The following ARX variants were observed in gnomAD, a reference collection of about 807,000 sequenced individuals.
The protein encoded by ARX is homeobox protein ARX.
In ARX, 1 loss-of-function variant was observed where a neutral mutation model predicts 23.1. The ratio of observed to expected loss-of-function variants is 0.04; its 90% CI spans 0.02 to 0.21. The LOEUF (loss-of-function observed/expected upper bound fraction) is 0.21. Ranked by LOEUF, ARX falls within the 10% of genes least tolerant of loss-of-function variation. ARX has a pLI of 1.00. For missense variants in ARX, 380 were observed against 527.5 expected, an observed-to-expected ratio of 0.72 and a Z score of 2.74; for synonymous variants, 301 against 270.1, an observed-to-expected ratio of 1.11 and a Z score of -1.12.
chrX:25,014,236 C>T (rs2048716238), intron 1 of ARX, among the ~76,000 whole-genome samples: 1 of 110,681 alleles, frequency 9.0e-6, no homozygotes, highest in African/African-American at 3.3e-5. Context: ...CCCCTCTCTC[C>T]TTCTTTCTTC....
chrX:25,007,191 G>T lies in ARX; in HGVS notation c.1368C>A (p.Ser456Arg), dbSNP rs1384595861. Residue 456 changes from serine to arginine, a missense_variant, in exon 4 of 5, where the codon AGC (serine) becomes AGA (arginine). Around this residue, in one of 3 missense-constraint regions of ARX, gnomAD observed 121 missense variants for 169.7 expected, o/e 0.71. Transcript: ENST00000379044. Reference sequence around the variant, plus strand: ...AAGTGCTCAGGCCCAGCGGCGCCCCGCTGGGCGGCAGGCTGGCCGAGCCCG... The same window carrying T: ...AAGTGCTCAGGCCCAGCGGCGCCCCTCTGGGCGGCAGGCTGGCCGAGCCCG... ...PPPGSASLPP[S>R]GAPLGLSTFL... The T allele has an allele frequency of 8.4e-7, 1 of 1,185,793 alleles. No individual in the cohort carries two copies. Among genetic ancestry groups the T allele is most frequent in the Non-Finnish European group, 1.1e-6 (1 of 883,722 alleles).
At chrX:25,014,711 T>C (rs935842923) in intron 1 of ARX, among the ~76,000 whole-genome samples, 21 of 112,529 alleles carry the variant, frequency 1.9e-4, no homozygotes, top group Admixed American at 4.7e-4. Context: ...TTTATTTAAA[T>C]GCCCCCTTCT....
intron 3 of ARX, among the ~76,000 whole-genome samples, chrX:25,008,763 A>C (rs1359411326): frequency 8.9e-6 from 1 of 112,585 alleles, no homozygotes; most frequent in Non-Finnish European, 1.9e-5. Flanking sequence ...TTTCAAATCT[A>C]CACACTGGGG....
intron 2 of ARX, among the ~76,000 whole-genome samples, chrX:25,012,211 C>T (rs2048705138): frequency 8.9e-6 from 1 of 112,750 alleles, no homozygotes; most frequent in Non-Finnish European, 1.9e-5. Flanking sequence ...ACATTAAACG[C>T]ACGGTGGGTT....
Position 25,004,732 on chromosome X carries a change from C to T in ARX, c.1627G>A (p.Ala543Thr). The change falls in exon 5 of 5, where the codon GCG becomes ACG. Residue 543 changes from alanine to threonine, a missense_variant. Physicochemically the swap from Ala to Thr is moderately conservative, Grantham distance 58 (BLOSUM62 0). Around this residue, in one of 3 missense-constraint regions of ARX, gnomAD observed 121 missense variants for 169.7 expected, o/e 0.71. Coordinates refer to ENST00000379044, the MANE Select transcript of ARX (RefSeq NM_139058.3). ...AALRLKAKEHAAQLTQLNILP... is the reference protein window; with the variant it reads ...AALRLKAKEHTAQLTQLNILP... ...ATGTTGAGCTGCGTGAGCTGCGCCG[C>T]GTGCTCCTTGGCCTTGAGCCTCAGC... The T allele has an allele frequency of 2.6e-6, 3 of 1,166,338 alleles. No homozygotes were observed. Among genetic ancestry groups the T allele is most frequent in the Non-Finnish European group, 3.4e-6 (3 of 873,050 alleles).
In ARX at chrX:25,013,628, C is replaced by G. The variant is rs1232132370; in HGVS notation, c.367G>C (p.Gly123Arg). The G allele has an allele frequency of 4.0e-6, 3 of 754,519 alleles. No homozygotes were observed. Among genetic ancestry groups the G allele is most frequent in the Non-Finnish European group, 1.6e-6 (1 of 641,049 alleles). 62.2% of individuals were successfully genotyped at this position (754,519 alleles called of 1,213,427 possible). Residue 123 changes from glycine to arginine, a missense_variant, in exon 2 of 5, where the codon GGG becomes CGG. By Grantham distance (125) the Gly-to-Arg change is moderately radical. This residue lies in a region of ARX where 235 missense variants were observed against 270.2 expected (regional missense o/e 0.87). Coordinates refer to ENST00000379044, the MANE Select transcript of ARX (RefSeq NM_139058.3). ...AAATATAGPR[G>R]EAPPPPPPTA... ...GGCGGTGGCGGCGGAGGGGCCTCCCCGCGTGGACCCGCCGTGGCCGTGGCG... is the reference window on the plus strand; with the variant it reads ...GGCGGTGGCGGCGGAGGGGCCTCCCGGCGTGGACCCGCCGTGGCCGTGGCG...
At position 25,013,074 on chromosome X, in the gene ARX, G is replaced by A. The variant is rs398124519; in HGVS notation, c.921C>T (p.Gly307=). The A allele has an allele frequency of 2.5e-6, 3 of 1,201,191 alleles. No individual in the cohort carries two copies. Among genetic ancestry groups the A allele is most frequent in the Non-Finnish European group, 3.4e-6 (3 of 890,641 alleles). ...LHPEDAEGKD[G]EDSVCLSAGS... The stretch of plus-strand genomic sequence containing the variant: ...CCGCAGAGAGGCACACGCTGTCCTC[G>A]CCGTCCTTGCCCTCAGCGTCTTCCG... Residue 307 remains glycine, a synonymous_variant, in exon 2 of 5, where the codon GGC becomes GGT. Coordinates refer to ENST00000379044, the MANE Select transcript of ARX (RefSeq NM_139058.3).
At chrX:25,014,441 G>A (rs1420432244) in intron 1 of ARX, among the ~76,000 whole-genome samples, 1 of 113,225 alleles carries the variant, frequency 8.8e-6, no homozygotes, top group Non-Finnish European at 1.9e-5. Context: ...CCCTGAAGGC[G>A]ACCGCTGCGG....
At position 25,004,793 on chromosome X, in the gene ARX, C is replaced by G. The variant is rs2048669806; in HGVS notation, c.1566G>C (p.Thr522=). 2 of 1,170,970 alleles carry G rather than the reference C, an allele frequency of 1.7e-6. No homozygotes were observed. The highest frequency in any genetic ancestry group is 3.5e-5 in the African/African-American group (2 of 56,593). Residue 522 remains threonine (T), a synonymous_variant, in exon 5 of 5, where the codon ACG becomes ACC. Coordinates refer to ENST00000379044, the MANE Select transcript of ARX (RefSeq NM_139058.3). Reference sequence around the variant, plus strand: ...TAGAGGCGCGTCTGTCTGCGGCCGCCGTGGCCGGGTCGGCCAGGGCGCCCG... The same window carrying G: ...TAGAGGCGCGTCTGTCTGCGGCCGCGGTGGCCGGGTCGGCCAGGGCGCCCG... ...VASGALADPA[T]AAADRRASSI... is the part of the protein sequence containing the mutation.
chrX:25,013,129 A>G lies in ARX; in HGVS notation c.866T>C (p.Leu289Pro), dbSNP rs1297834070. The G allele has an allele frequency of 1.7e-6, 2 of 1,201,847 alleles. No individual in the cohort carries two copies. Among genetic ancestry groups the G allele is most frequent in the Admixed American group, 4.4e-5 (2 of 45,445 alleles). ...AAAVATEGGE[L>P]SPKEELLLHP... is the part of the protein sequence containing the mutation. ...CAGCAGCAGCTCCTCCTTGGGTGAC[A>G]GCTCCCCGCCCTCTGTGGCCACTGC... Residue 289 changes from leucine to proline, a missense_variant, in exon 2 of 5, where the codon CTG (leucine) becomes CCG (proline). Transcript: ENST00000379044.
Position 25,013,563 on chromosome X carries a change from G to T in ARX, c.432C>A (p.Ala144=). 2.6e-6 allele frequency: 2 copies of T among 779,302 alleles called. No homozygotes were observed. The highest frequency in any genetic ancestry group is 8.4e-5 in the Admixed American group (1 of 11,944). 64.2% of individuals were successfully genotyped at this position (779,302 alleles called of 1,213,427 possible). A position where few individuals can be genotyped will look rare whatever the true frequency, so the allele number is the denominator to read the frequency against. The change falls in exon 2 of 5, where the codon GCC becomes GCA. Residue 144 remains alanine, a synonymous_variant. Coordinates refer to ENST00000379044, the MANE Select transcript of ARX (RefSeq NM_139058.3). ...CGGCCGCGGCCGCGGCTGCCGCGGC[G>T]GCCCCTGCGCCGTCCGGCCGTTCCC... The part of the protein sequence containing the change: ...RPGERPDGAG[A]AAAAAAAAAA...
At chrX:25,004,936 C>T in intron 4 of ARX, 26 bp from the exon 5 acceptor site, 1 of 1,105,572 alleles carries the variant, frequency 9.0e-7, no homozygotes. Context: ...ACAGCGCGGT[C>T]ATGGCCTCGG....
In ARX at chrX:25,004,538, T is replaced by A; in HGVS notation, c.*132A>T. The A allele has an allele frequency of 9.3e-7, 1 of 1,078,758 alleles. No individual in the cohort carries two copies. The highest frequency in any genetic ancestry group is 1.2e-6 in the Non-Finnish European group (1 of 807,729). The allele number at this position is 1,078,758 out of a possible 1,213,427, so 88.9% of individuals were successfully genotyped here. On this transcript the variant is annotated 3_prime_UTR_variant, in exon 5 of 5. Coordinates refer to ENST00000379044, the MANE Select transcript of ARX (RefSeq NM_139058.3). ...GCTGCCATGCCCGCATCCAGACTGCTGTGAAGGCGGCTGCGCTCTCTCAGT... is the reference window on the plus strand; with the variant it reads ...GCTGCCATGCCCGCATCCAGACTGCAGTGAAGGCGGCTGCGCTCTCTCAGT...
intron 1 of ARX, 84 bp downstream of exon 1, chrX:25,015,458 A>G (rs2048722689): frequency 1.4e-5 from 16 of 1,104,988 alleles, no homozygotes; most frequent in Non-Finnish European, 2.0e-5. Context: ...CAAATTGACA[A>G]TTCCAGGCCA....
chrX:25,005,274 A>C (rs1415010186), intron 4 of ARX, among the ~76,000 whole-genome samples: 1 of 111,301 alleles, frequency 9.0e-6, no homozygotes, highest in Non-Finnish European at 1.9e-5. Context: ...CAATGACACT[A>C]TCTCCCAGGA....
At chrX:25,008,274 T>C (rs1488141566) in intron 3 of ARX, among the ~76,000 whole-genome samples, 1 of 112,903 alleles carries the variant, frequency 8.9e-6, no homozygotes, top group Non-Finnish European at 1.9e-5. Flanking sequence ...ACTGACTACA[T>C]GGATGAAGCA....
chrX:25,011,770 G>A (rs1458853668), intron 2 of ARX, among the ~76,000 whole-genome samples: 1 of 112,825 alleles, frequency 8.9e-6, no homozygotes, highest in Non-Finnish European at 1.9e-5. Flanking sequence ...CCTAAGCAGC[G>A]ATTTCTCCTC....
chrX:25,015,462 C>T, intron 1 of ARX, 80 bp downstream of exon 1: 21 of 1,118,766 alleles, frequency 1.9e-5, no homozygotes, highest in Non-Finnish European at 2.5e-5. Flanking sequence ...TTGACAATTC[C>T]AGGCCACTGG....
Position 25,004,642 on chromosome X carries a change from C to T in ARX, c.*28G>A. 1 of 1,163,642 alleles carries T rather than the reference C, an allele frequency of 8.6e-7. No homozygotes were observed. On this transcript the variant is annotated 3_prime_UTR_variant, in exon 5 of 5. Transcript: ENST00000379044. ...GAGTGAGGTGACCTTTCGGGGCGCG[C>T]GCGGGGCGCGGGTGTGGAGGGCAGC...
Sources: gnomAD v4.1 joint callset for allele counts (sites outside exome capture counted in the v4.1 genomes callset) on GRCh38, gnomAD v4.1.1 for gene constraint, gnomAD v4.1.1 regional missense constraint, MANE v1.5 for transcripts, NCBI Gene and HGNC (gene_info 2026-07-23, HGNC 2026-07-21) for gene names.